FABP12: variants seen among roughly 807,000 people sequenced by gnomAD.
The protein encoded by FABP12 is fatty acid binding protein 12.
A neutral mutation model predicts 13.7 loss-of-function variants in FABP12; 19 were observed. The ratio of observed to expected loss-of-function variants is 1.39; its 90% CI spans 0.97 to 2.04. The LOEUF (loss-of-function observed/expected upper bound fraction) is 2.04. FABP12 is among the 30% of genes most tolerant of loss of function. The probability of loss-of-function intolerance (pLI) is 0.00; values close to 1 mark genes in which losing one functional copy is unlikely to be tolerated. For missense variants in FABP12, 182 were observed against 164.2 expected (o/e 1.11, Z -0.59); for synonymous variants, 61 against 57.0 (o/e 1.07, Z -0.32).
chr8:81,585,326 A>ATTT (rs1397157666), intron 1 of FABP12, among the ~76,000 whole-genome samples: 1 of 152,184 alleles, frequency 6.6e-6, no homozygotes, highest in African/African-American at 2.4e-5. Context: ...TACCAGCATC[A>ATTT]TTTATTAAAG....
chr8:81,569,389 T>C (rs754625953), intron 1 of FABP12, among the ~76,000 whole-genome samples: 4 of 152,214 alleles, frequency 2.6e-5, no homozygotes, highest in Non-Finnish European at 5.9e-5. Flanking sequence ...CATTAAACAA[T>C]GATGAGTTCA....
At chr8:81,585,418 C>A (rs1245913936) in intron 1 of FABP12, among the ~76,000 whole-genome samples, 1 of 152,040 alleles carries the variant, frequency 6.6e-6, no homozygotes, top group Non-Finnish European at 1.5e-5. Flanking sequence ...TATCTGAATT[C>A]TCTATTCTGT....
chr8:81,550,842 T>C (rs1025091581), intron 1 of FABP12, among the ~76,000 whole-genome samples: 1 of 152,192 alleles, frequency 6.6e-6, no homozygotes, highest in Non-Finnish European at 1.5e-5. Flanking sequence ...TATCAATCAA[T>C]GTCAGGAATA....
At chr8:81,528,347 G>A (rs1808963856) in intron 3 of FABP12, among the ~76,000 whole-genome samples, 1 of 152,140 alleles carries the variant, frequency 6.6e-6, no homozygotes. Context: ...CCAAAGTGCT[G>A]GGATTACAGG....
upstream of FABP12, among the ~76,000 whole-genome samples, chr8:81,536,777 T>G (rs999006792): frequency 4.6e-5 from 7 of 152,210 alleles, no homozygotes; most frequent in African/African-American, 1.7e-4. Flanking sequence ...CTATGACCCA[T>G]ATACTAAATC....
chr8:81,536,951 A>C (rs1809236853), upstream of FABP12, among the ~76,000 whole-genome samples: 1 of 152,236 alleles, frequency 6.6e-6, no homozygotes, highest in Non-Finnish European at 1.5e-5. Flanking sequence ...CACAGAAAAA[A>C]TATTTGTCAA....
At chr8:81,589,414 C>T (rs1312899381) in intron 1 of FABP12, among the ~76,000 whole-genome samples, 5 of 151,470 alleles carry the variant, frequency 3.3e-5, no homozygotes, top group Non-Finnish European at 2.9e-5. Flanking sequence ...ACAAATTACC[C>T]TTCTTCTGTC....
intron 1 of FABP12, among the ~76,000 whole-genome samples, chr8:81,553,698 A>C (rs958692537): frequency 1.7e-4 from 26 of 152,174 alleles, no homozygotes; most frequent in African/African-American, 6.0e-4. Context: ...CCTGTGTCTC[A>C]TACTTTCATA....
intron 1 of FABP12, among the ~76,000 whole-genome samples, chr8:81,562,290 C>T (rs946381894): frequency 2.6e-5 from 4 of 152,200 alleles, no homozygotes; most frequent in African/African-American, 9.7e-5. Context: ...ATCACTATAG[C>T]CCTTGGGTAA....
chr8:81,543,148 A>G (rs1355782232), intron 1 of FABP12, among the ~76,000 whole-genome samples: 1 of 152,254 alleles, frequency 6.6e-6, no homozygotes, highest in African/African-American at 2.4e-5. Flanking sequence ...AGACATTGTC[A>G]TTGAAGGCAG....
At chr8:81,553,000 G>T (rs1025255497) in intron 1 of FABP12, among the ~76,000 whole-genome samples, 1 of 152,124 alleles carries the variant, frequency 6.6e-6, no homozygotes, top group Admixed American at 6.5e-5. Flanking sequence ...GAGAAAGTTC[G>T]GGGCTAGGGA....
chr8:81,554,162 G>C (rs1809569659), intron 1 of FABP12, among the ~76,000 whole-genome samples: 1 of 152,144 alleles, frequency 6.6e-6, no homozygotes, highest in Non-Finnish European at 1.5e-5. Context: ...TCTTTGCTCA[G>C]TTGTGCAAGG....
At chr8:81,584,472 C>T (rs1245615050) in intron 1 of FABP12, among the ~76,000 whole-genome samples, 1 of 152,196 alleles carries the variant, frequency 6.6e-6, no homozygotes, top group Admixed American at 6.5e-5. Flanking sequence ...GTTTTTACAA[C>T]AGGCAAATCC....
At chr8:81,528,557 T>TAAC (rs1488717525) in intron 3 of FABP12, among the ~76,000 whole-genome samples, 1 of 152,182 alleles carries the variant, frequency 6.6e-6, no homozygotes, top group East Asian at 1.9e-4. Flanking sequence ...CCATATAGTT[T>TAAC]AACAATCCTC....
intron 1 of FABP12, among the ~76,000 whole-genome samples, chr8:81,566,387 T>A (rs924537186): frequency 6.6e-6 from 1 of 152,046 alleles, no homozygotes; most frequent in Non-Finnish European, 1.5e-5. Flanking sequence ...CAAGCCAATA[T>A]CTGTGATGAA....
intron 1 of FABP12, among the ~76,000 whole-genome samples, chr8:81,552,890 G>A (rs913188269): frequency 3.3e-5 from 5 of 152,112 alleles, no homozygotes; most frequent in African/African-American, 1.2e-4. Context: ...GAAAAAAAGG[G>A]GATGTCCAGG....
chr8:81,525,064 G>A (rs754522064), exon 5 of FABP12: 15 of 1,598,080 alleles, frequency 9.4e-6, no homozygotes, highest in South Asian at 6.8e-5. Flanking sequence ...TTGAGACTGA[G>A]TTTGATGATA....
chr8:81,581,549 A>G (rs1393193340), intron 1 of FABP12, among the ~76,000 whole-genome samples: 1 of 152,220 alleles, frequency 6.6e-6, no homozygotes, highest in Admixed American at 6.5e-5. Context: ...TTGAATGTCA[A>G]AGACAGAGAG....
chr8:81,534,547 A>C (rs1006193209), upstream of FABP12, among the ~76,000 whole-genome samples: 3 of 152,180 alleles, frequency 2.0e-5, no homozygotes, highest in Admixed American at 2.0e-4. Flanking sequence ...CCATTATACT[A>C]GCCACTTCTT....
Sources: allele counts gnomAD v4.1 joint callset (sites outside exome capture counted in the v4.1 genomes callset), GRCh38; gene constraint gnomAD v4.1.1; transcripts MANE v1.5; gene names NCBI Gene and HGNC (gene_info 2026-07-23, HGNC 2026-07-21).